CACNA1C: variants seen among roughly 807,000 people sequenced by gnomAD.
The protein encoded by CACNA1C is calcium voltage-gated channel subunit alpha1 C, also known as voltage-dependent L-type calcium channel subunit alpha-1C.
Under a neutral mutation model 229.0 loss-of-function variants are expected in CACNA1C, and 30 were observed. The observed-to-expected ratio is 0.13, with a 90% CI of 0.10 to 0.18. The LOEUF (loss-of-function observed/expected upper bound fraction) is 0.18. Ranked by LOEUF, CACNA1C falls within the 10% of genes least tolerant of loss-of-function variation. The probability of loss-of-function intolerance (pLI) is 1.00; values close to 1 mark genes in which losing one functional copy is unlikely to be tolerated. For synonymous variants in CACNA1C, 1,114 were observed against 1,132.5 expected (o/e 0.98, Z 0.33); for missense variants, 1,658 against 2,845.0 (o/e 0.58, Z 9.49).
At chr12:2,629,456 G>C (rs916367333) in intron 29 of CACNA1C, among the ~76,000 whole-genome samples, 1 of 152,186 alleles carries the variant, frequency 6.6e-6, no homozygotes, top group Non-Finnish European at 1.5e-5. Flanking sequence ...AAAAGATCAG[G>C]ACACATGTGC....
intron 9 of CACNA1C, among the ~76,000 whole-genome samples, chr12:2,519,977 G>C (rs2239110): frequency 6.6e-6 from 1 of 152,164 alleles, no homozygotes; most frequent in Non-Finnish European, 1.5e-5. Flanking sequence ...TATACAGTGC[G>C]AAGTAGGCAC....
At chr12:2,036,577 T>TGCCTCA (rs1390586571) in intron 1 of CACNA1C, among the ~76,000 whole-genome samples, 1 of 152,156 alleles carries the variant, frequency 6.6e-6, no homozygotes, top group Non-Finnish European at 1.5e-5. Context: ...GAGATTCTCC[T>TGCCTCA]GCCTCAGCCT....
At chr12:2,102,597 T>A (rs1261062024) in intron 1 of CACNA1C, among the ~76,000 whole-genome samples, 3 of 152,228 alleles carry the variant, frequency 2.0e-5, no homozygotes, top group African/African-American at 4.8e-5. Flanking sequence ...TTATTTTTTT[T>A]AATTACACTT....
At chr12:1,994,093 C>T (rs2040210045) in intron 1 of CACNA1C, among the ~76,000 whole-genome samples, 1 of 152,164 alleles carries the variant, frequency 6.6e-6, no homozygotes, top group Non-Finnish European at 1.5e-5. Context: ...ACCTTGAATG[C>T]CTGCTCTGCC....
rs1183559039 is a variant in CACNA1C, at chr12:2,632,106, C to T, written c.3829-2191C>T. Among the ~76,000 whole-genome samples the T allele has an allele frequency of 6.6e-6, 1 of 152,072 alleles. No homozygotes were observed. The highest frequency in any genetic ancestry group is 1.5e-5 in the Non-Finnish European group (1 of 68,012). Reference sequence around the variant, plus strand: ...CCACTCCGACCTCAGAATTCCACCTCCTGGAAGCCCAGAGGGCAGGCAAAT... The same window carrying T: ...CCACTCCGACCTCAGAATTCCACCTTCTGGAAGCCCAGAGGGCAGGCAAAT... On this transcript the variant is annotated intron_variant, in intron 29 of 46. Coordinates refer to ENST00000399655, the MANE Select transcript of CACNA1C (RefSeq NM_000719.7). This position sits in a 1 kb window ranked among gnomAD's most constrained non-coding sequence, Gnocchi z 4.1.
intron 1 of CACNA1C, among the ~76,000 whole-genome samples, chr12:2,085,061 C>T (rs1318969661): frequency 6.6e-6 from 1 of 152,168 alleles, no homozygotes; most frequent in Non-Finnish European, 1.5e-5. Context: ...AAGGCTAGAG[C>T]CAAAGACAGA....
intron 1 of CACNA1C, among the ~76,000 whole-genome samples, chr12:1,994,640 T>C (rs991469350): frequency 6.6e-6 from 1 of 152,220 alleles, no homozygotes; most frequent in Non-Finnish European, 1.5e-5. Flanking sequence ...GGTGTCTCTA[T>C]GAACTCTCTA....
chr12:2,246,741 G>A (rs2073442863), intron 3 of CACNA1C, among the ~76,000 whole-genome samples: 1 of 152,192 alleles, frequency 6.6e-6, no homozygotes. Context: ...GTCCCAGCAA[G>A]GAAGCTTTTC....
At chr12:2,390,288 A>G (rs1305284452) in intron 3 of CACNA1C, among the ~76,000 whole-genome samples, 1 of 152,174 alleles carries the variant, frequency 6.6e-6, no homozygotes, top group Non-Finnish European at 1.5e-5. Context: ...AACAACAACC[A>G]GTGTAAATGA....
At chr12:2,542,988 C>G (rs1488157215) in intron 9 of CACNA1C, among the ~76,000 whole-genome samples, 9 of 152,216 alleles carry the variant, frequency 5.9e-5, no homozygotes, top group Non-Finnish European at 1.5e-5. Flanking sequence ...AGAATACAGA[C>G]TGGTCATTTT....
In CACNA1C at chr12:2,491,512, G is replaced by GA. The variant is rs2099733475; in HGVS notation, c.917-1677dup. Among the ~76,000 whole-genome samples the GA allele has an allele frequency of 5.3e-5, 8 of 149,864 alleles. No homozygotes were observed. In the South Asian group the frequency reaches 1.1e-3, roughly 20 times the overall value. ...AATGAAATTGACAGAGAACAAGGAG[G>GA]AGGAGGAGGCCACAAAGATGACCAC... On this transcript the variant is annotated intron_variant, in intron 6 of 46. Coordinates refer to ENST00000399655, the MANE Select transcript of CACNA1C (RefSeq NM_000719.7).
chr12:2,532,811 G>T (rs1398631319), intron 9 of CACNA1C, among the ~76,000 whole-genome samples: 1 of 152,208 alleles, frequency 6.6e-6, no homozygotes, highest in East Asian at 1.9e-4. Context: ...AGAGGTAGCA[G>T]TGTACCCCAG....
In CACNA1C at chr12:2,434,535, C is replaced by T. The variant is rs559658207; in HGVS notation, c.478-14441C>T. Among the ~76,000 whole-genome samples the T allele has an allele frequency of 6.6e-5, 10 of 152,312 alleles. No homozygotes were observed. In the East Asian group the frequency reaches 7.7e-4, roughly 12 times the overall value. On this transcript the variant is annotated intron_variant, in intron 3 of 46. Coordinates refer to ENST00000399655, the MANE Select transcript of CACNA1C (RefSeq NM_000719.7). ...CTAAACTTGATTTGTCTCCTTCCAG[C>T]GCCGTGGACGTCCCACTACACTGGG...
chr12:2,534,728 TCTC>T (rs966854567), intron 9 of CACNA1C, among the ~76,000 whole-genome samples: 2 of 152,180 alleles, frequency 1.3e-5, no homozygotes, highest in African/African-American at 4.8e-5. Flanking sequence ...CCCCTGCAGT[TCTC>T]CTTCTTTAGT....
chr12:2,105,227 G>C (rs868492361), intron 1 of CACNA1C, among the ~76,000 whole-genome samples: 1 of 152,236 alleles, frequency 6.6e-6, no homozygotes, highest in African/African-American at 2.4e-5. Flanking sequence ...AAGTGCTCCA[G>C]GCTCTTTGCC....
intron 3 of CACNA1C, among the ~76,000 whole-genome samples, chr12:2,360,402 A>T (rs1284425717): frequency 2.0e-5 from 3 of 152,050 alleles, no homozygotes. Context: ...GTCACTTGGA[A>T]TGGACGCTGG....
chr12:2,551,323 C>G (rs2099901990), intron 10 of CACNA1C, among the ~76,000 whole-genome samples: 1 of 152,300 alleles, frequency 6.6e-6, no homozygotes, highest in Admixed American at 6.5e-5. Context: ...AGGAAGGAAA[C>G]ATGATATTCC....
intron 3 of CACNA1C, among the ~76,000 whole-genome samples, chr12:2,371,892 A>G (rs1955270451): frequency 6.6e-6 from 1 of 152,132 alleles, no homozygotes; most frequent in African/African-American, 2.4e-5. Context: ...AAAAGCCTCT[A>G]AGGGGAGCGG....
At chr12:2,455,068 C>G (rs1017979481) in intron 4 of CACNA1C, among the ~76,000 whole-genome samples, 8 of 152,202 alleles carry the variant, frequency 5.3e-5, no homozygotes, top group Non-Finnish European at 1.0e-4. Flanking sequence ...CCATCCCCTT[C>G]TTGCCAGTGA....
Sources: allele counts gnomAD v4.1 joint callset (sites outside exome capture counted in the v4.1 genomes callset), GRCh38; gene constraint gnomAD v4.1.1; non-coding constraint Gnocchi (gnomAD v3.1); transcripts MANE v1.5; gene names NCBI Gene and HGNC (gene_info 2026-07-23, HGNC 2026-07-21).